SNTG1: variants seen among roughly 807,000 people sequenced by gnomAD.
The protein encoded by SNTG1 is gamma-1-syntrophin.
Under a neutral mutation model 74.7 loss-of-function variants are expected in SNTG1, and 39 were observed. The ratio of observed to expected loss-of-function variants is 0.52; its 90% confidence interval spans 0.40 to 0.68. The LOEUF (loss-of-function observed/expected upper bound fraction) is 0.68. Ranked by LOEUF, SNTG1 falls within the 30% of genes least tolerant of loss-of-function variation. The pLI, the probability that SNTG1 is intolerant of heterozygous loss-of-function variation, is 0.00. For missense variants in SNTG1, 685 were observed against 609.5 expected (o/e 1.12, Z -1.30); for synonymous variants, 254 against 217.1 (o/e 1.17, Z -1.49).
Position 49,945,252 on chromosome 8 carries a change from A to T in SNTG1, c.-103+33021A>T, listed in dbSNP as rs192083007. Among the ~76,000 whole-genome samples the T allele has an allele frequency of 1.7e-4, 26 of 152,296 alleles. No individual in the cohort carries two copies. The East Asian group carries it at 5.0e-3, about 29-fold the overall frequency. ...TCTGGTAGGTTAACTTCAATACTTG[A>T]ATACACAAACTCACAGACTGTTAGA... On this transcript the variant is annotated intron_variant, in intron 1 of 18. Transcript: ENST00000642720.
rs529836762 is a variant in SNTG1 at position 50,744,633 on chromosome 8, A to G, written c.1285-7368A>G. ...AAAGAACAAAAGTTGTAGGTCTTTG[A>G]CTTCTGATTACAAAACTTATTACAA... On this transcript the variant is annotated intron_variant, in intron 17 of 18. Transcript: ENST00000642720. 1.3e-4 allele frequency among the ~76,000 whole-genome samples: 20 copies of G among 152,112 alleles called. No homozygotes were observed. The South Asian group carries it at 3.9e-3, about 30-fold the overall frequency.
At chr8:50,737,559 T>C (rs1244479489) in intron 17 of SNTG1, among the ~76,000 whole-genome samples, 1 of 152,160 alleles carries the variant, frequency 6.6e-6, no homozygotes, top group Non-Finnish European at 1.5e-5. Flanking sequence ...ACTCATTTTA[T>C]GAGGCCAGCA....
At chr8:50,078,723 C>T (rs987365878) in intron 1 of SNTG1, among the ~76,000 whole-genome samples, 11 of 152,104 alleles carry the variant, frequency 7.2e-5, no homozygotes, top group African/African-American at 1.9e-4. Context: ...GCCCCCCAAC[C>T]CTCGACAGGC....
At chr8:50,698,910 C>T (rs916404944) in intron 15 of SNTG1, among the ~76,000 whole-genome samples, 10 of 152,136 alleles carry the variant, frequency 6.6e-5, no homozygotes, top group Non-Finnish European at 1.2e-4. Context: ...AATTTACTCT[C>T]TTCTCATTTT....
At chr8:50,684,343 C>T (rs1473576109) in intron 15 of SNTG1, among the ~76,000 whole-genome samples, 1 of 152,086 alleles carries the variant, frequency 6.6e-6, no homozygotes, top group East Asian at 1.9e-4. Flanking sequence ...AACTATTAAT[C>T]CTGGTTTGGA....
chr8:50,478,767 A>AAT (rs1252924521), intron 8 of SNTG1, among the ~76,000 whole-genome samples: 2 of 152,150 alleles, frequency 1.3e-5, no homozygotes, highest in African/African-American at 4.8e-5. Flanking sequence ...TGAGAAAGCA[A>AAT]ATGGGTACAT....
intron 2 of SNTG1, among the ~76,000 whole-genome samples, chr8:50,310,443 C>A (rs543417597): frequency 6.6e-6 from 1 of 152,222 alleles, no homozygotes; most frequent in East Asian, 1.9e-4. Context: ...AATCCCAGCA[C>A]TTTGGGAGGT....
In SNTG1 at chr8:50,582,350, A is replaced by T. The variant is rs531494088; in HGVS notation, c.811-8529A>T. ...CGGTGCAGTATAGACTGAGACAGAC[A>T]GAAGTCTGTGACCTAGAACTTACAT... is the stretch of plus-strand genomic sequence containing the variant. On this transcript the variant is annotated intron_variant, in intron 12 of 18. Coordinates refer to ENST00000642720, the MANE Select transcript of SNTG1 (RefSeq NM_018967.5). 1.4e-4 allele frequency among the ~76,000 whole-genome samples: 21 copies of T among 152,336 alleles called. 1 individual carries two copies. In the South Asian group the frequency reaches 4.1e-3, roughly 30 times the overall value.
At chr8:50,571,147 A>G (rs2094547146) in intron 12 of SNTG1, among the ~76,000 whole-genome samples, 1 of 152,052 alleles carries the variant, frequency 6.6e-6, no homozygotes, top group Admixed American at 6.6e-5. Context: ...CTTTCTGGCC[A>G]GGGCAGCTCC....
intron 2 of SNTG1, among the ~76,000 whole-genome samples, chr8:50,185,346 G>A (rs1241532214): frequency 5.9e-5 from 9 of 152,240 alleles, no homozygotes; most frequent in South Asian, 2.1e-4. Flanking sequence ...TGAGGCTTCC[G>A]CAGCCATATG....
intron 1 of SNTG1, among the ~76,000 whole-genome samples, chr8:49,930,521 A>G (rs1807477952): frequency 1.3e-5 from 2 of 151,784 alleles, no homozygotes; most frequent in Non-Finnish European, 1.5e-5. Flanking sequence ...GTATATATAT[A>G]TGTGTGTGTA....
intron 2 of SNTG1, among the ~76,000 whole-genome samples, chr8:50,182,625 C>T (rs746896641): frequency 2.0e-5 from 3 of 151,968 alleles, no homozygotes; most frequent in South Asian, 2.1e-4. Context: ...TTGGCACGTG[C>T]GTGTCTGTGT....
chr8:50,245,440 T>C lies in SNTG1; in HGVS notation c.-28+72805T>C, dbSNP rs542839615. Among the ~76,000 whole-genome samples the C allele has an allele frequency of 5.3e-5, 8 of 152,172 alleles. No individual in the cohort carries two copies. In the East Asian group the frequency reaches 1.5e-3, roughly 29 times the overall value. On this transcript the variant is annotated intron_variant, in intron 2 of 18. Transcript: ENST00000642720. The stretch of plus-strand genomic sequence containing the variant: ...GCTCACACCTGTAATCTCAGCACTT[T>C]GGAAGGCTGAGGCGTGCGGATCACC...
chr8:50,360,088 C>G (rs906667050), intron 2 of SNTG1, among the ~76,000 whole-genome samples: 2 of 152,068 alleles, frequency 1.3e-5, no homozygotes, highest in African/African-American at 4.8e-5. Flanking sequence ...ATCAACACCT[C>G]TTATTAACTG....
chr8:50,096,836 A>G (rs975131560), intron 1 of SNTG1, among the ~76,000 whole-genome samples: 1 of 152,208 alleles, frequency 6.6e-6, no homozygotes, highest in African/African-American at 2.4e-5. Context: ...GTCATTCAGG[A>G]TATAAGTGAA....
chr8:50,553,070 T>C lies in SNTG1; in HGVS notation c.701T>C (p.Ile234Thr). The change falls in exon 12 of 19, where the codon ATT becomes ACT. Residue 234 changes from isoleucine to threonine, a missense_variant. By Grantham distance (89) the Ile-to-Thr change is moderately conservative. Transcript: ENST00000642720. ...DLSRQNAFQV[I>T]AVDGVCTGII... The stretch of plus-strand genomic sequence containing the variant: ...TGCAGGCAGAATGCCTTTCAAGTCA[T>C]TGCTGTGGATGGGGTCTGCACTGGG... 6.2e-7 allele frequency: 1 copy of C among 1,613,920 alleles called. No homozygotes were observed. Among genetic ancestry groups the C allele is most frequent in the Non-Finnish European group, 8.5e-7 (1 of 1,179,842 alleles).
intron 9 of SNTG1, among the ~76,000 whole-genome samples, chr8:50,529,557 C>A (rs988862384): frequency 6.6e-6 from 1 of 151,944 alleles, no homozygotes; most frequent in South Asian, 2.1e-4. Context: ...GTGACTCTAA[C>A]ACTTACTAAA....
intron 8 of SNTG1, among the ~76,000 whole-genome samples, chr8:50,487,463 A>T (rs4598255): frequency 1.3e-5 from 2 of 152,334 alleles, no homozygotes; most frequent in Admixed American, 1.3e-4. Flanking sequence ...GATAGACTGG[A>T]TTAAGAAAAT....
intron 2 of SNTG1, among the ~76,000 whole-genome samples, chr8:50,305,109 C>T (rs1000598687): frequency 1.3e-5 from 2 of 151,544 alleles, no homozygotes; most frequent in Non-Finnish European, 2.9e-5. Context: ...CCATGTTGGC[C>T]AGGCTGGTCT....
Sources: allele counts gnomAD v4.1 joint callset (sites outside exome capture counted in the v4.1 genomes callset), GRCh38; gene constraint gnomAD v4.1.1; transcripts MANE v1.5; gene names NCBI Gene and HGNC (gene_info 2026-07-23, HGNC 2026-07-21).